The following MIA2 variants were observed in gnomAD, a reference collection of about 807,000 sequenced individuals.
MIA2 encodes the protein MIA SH3 domain ER export factor 2.
MIA2 carries 127 observed loss-of-function variants against 167.8 expected under a neutral mutation model. The observed-to-expected ratio is 0.76, with a 90% CI of 0.66 to 0.88. The LOEUF (loss-of-function observed/expected upper bound fraction) is 0.88, where lower values mean the gene tolerates loss of function less well. Among genes scored for constraint, MIA2 ranks in the 40% least tolerant of loss-of-function variants. The pLI, the probability that MIA2 is intolerant of heterozygous loss-of-function variation, is 0.00. For missense variants in MIA2, 1,690 were observed against 1,624.7 expected, an observed-to-expected ratio of 1.04 and a Z score of -0.69; for synonymous variants, 552 against 541.9, an observed-to-expected ratio of 1.02 and a Z score of -0.26.
At position 39,387,120 on chromosome 14, in the gene MIA2, G is replaced by A. The variant is rs1218841670; in HGVS notation, c.*168G>A. 8 of 563,594 alleles carry A rather than the reference G, an allele frequency of 1.4e-5. 1 individual carries two copies. The highest frequency in any genetic ancestry group is 1.1e-4 in the South Asian group (4 of 35,844). The allele number at this position is 563,594 out of a possible 1,614,324, so 34.9% of individuals were successfully genotyped here. A position where few individuals can be genotyped will look rare whatever the true frequency, so the allele number is the denominator to read the frequency against. On this transcript the variant is annotated 3_prime_UTR_variant, in exon 24 of 24. Transcript: ENST00000341502. ...GCTGCCATCTTGCTTGGTGCTCAAC[G>A]GAAGCCGACTTTCAAGCCTTATTGT...
At chr14:39,320,691 C>A (rs1181345894) in intron 23 of MIA2, among the ~76,000 whole-genome samples, 1 of 152,056 alleles carries the variant, frequency 6.6e-6, no homozygotes, top group Non-Finnish European at 1.5e-5. Flanking sequence ...TTTTTATTCC[C>A]AGTTCGTTGA....
chr14:39,334,031 T>C (rs2069628880), intron 25 of MIA2, among the ~76,000 whole-genome samples: 2 of 152,324 alleles, frequency 1.3e-5, no homozygotes, highest in Admixed American at 6.5e-5. Context: ...CCAAAATTTA[T>C]GATGAGTGAG....
intron 25 of MIA2, among the ~76,000 whole-genome samples, chr14:39,341,203 G>A (rs2071747559): frequency 6.6e-6 from 1 of 152,112 alleles, no homozygotes. Context: ...TCGGGAGGCT[G>A]AGGCAGGAGA....
At chr14:39,240,497 G>T (rs2053989980) in intron 2 of MIA2, 64 bp from the exon 3 acceptor site, 4 of 1,273,516 alleles carry the variant, frequency 3.1e-6, no homozygotes, top group Non-Finnish European at 4.5e-6. Context: ...GACAAAATTA[G>T]GTTCAATAAT....
chr14:39,237,232 A>G (rs765655904), intron 2 of MIA2, 177 bp downstream of exon 2: 1 of 705,210 alleles, frequency 1.4e-6, no homozygotes, highest in South Asian at 1.5e-5. Flanking sequence ...AGCTCAAGCC[A>G]TCCTCCCACC....
chr14:39,252,813 T>C lies in MIA2; in HGVS notation c.1633T>C (p.Ser545Pro). ...HEEVYFEPSS[S>P]KDSDENSKPS... Reference sequence around the variant, plus strand: ...AGAAGTATATTTTGAACCCTCATCTTCTAAAGATAGTGATGAAAATTCGAA... The same window carrying C: ...AGAAGTATATTTTGAACCCTCATCTCCTAAAGATAGTGATGAAAATTCGAA... The change falls in exon 5 of 29, where the codon TCT (serine) becomes CCT (proline). Residue 545 changes from serine to proline, a missense_variant. Physicochemically the swap from Ser to Pro is moderately conservative, Grantham distance 74 (BLOSUM62 -1). Coordinates refer to ENST00000640607, the MANE Select transcript of MIA2 (RefSeq NM_001329214.4). 6.2e-7 allele frequency: 1 copy of C among 1,613,990 alleles called. No homozygotes were observed. Among genetic ancestry groups the C allele is most frequent in the East Asian group, 2.2e-5 (1 of 44,858 alleles).
chr14:39,297,666 C>CATGTGTGTGTGTGT (rs1555375077), intron 13 of MIA2, among the ~76,000 whole-genome samples: 2 of 140,074 alleles, frequency 1.4e-5, no homozygotes, highest in East Asian at 2.1e-4. Context: ...TAGGGTTTTG[C>CATGTGTGTGTGTGT]GTGTGTGTGT....
intron 25 of MIA2, among the ~76,000 whole-genome samples, chr14:39,339,188 G>T (rs943443894): frequency 6.6e-6 from 1 of 152,226 alleles, no homozygotes; most frequent in African/African-American, 2.4e-5. Context: ...AGGAGGTGGA[G>T]CTTAGGTGGT....
chr14:39,268,447 G>C (rs1170678679), intron 6 of MIA2, among the ~76,000 whole-genome samples: 1 of 135,168 alleles, frequency 7.4e-6, no homozygotes, highest in African/African-American at 3.0e-5. Context: ...TGTTAAGAGA[G>C]AGAAGACAAA....
intron 23 of MIA2, among the ~76,000 whole-genome samples, chr14:39,320,115 C>A (rs2066161326): frequency 7.2e-6 from 1 of 139,132 alleles, no homozygotes; most frequent in Non-Finnish European, 1.5e-5. Flanking sequence ...TTTTTTTTGT[C>A]TGAATCCAAC....
chr14:39,377,132 A>G (rs2075060247), intron 23 of MIA2, among the ~76,000 whole-genome samples: 1 of 152,094 alleles, frequency 6.6e-6, no homozygotes, highest in African/African-American at 2.4e-5. Context: ...TTTTGTGGCT[A>G]GGACAGTTTA....
chr14:39,266,002 T>C, intron 6 of MIA2: 3 of 985,490 alleles, frequency 3.0e-6, no homozygotes, highest in South Asian at 4.7e-5. Context: ...TCTGAAAAGC[T>C]AGGCCGCATT....
intron 23 of MIA2, among the ~76,000 whole-genome samples, chr14:39,319,886 A>G (rs1037189863): frequency 6.6e-6 from 1 of 152,058 alleles, no homozygotes; most frequent in Non-Finnish European, 1.5e-5. Flanking sequence ...AAATTTTTTC[A>G]TAATAATTTT....
intron 25 of MIA2, among the ~76,000 whole-genome samples, chr14:39,330,029 G>C (rs2068450874): frequency 6.6e-6 from 1 of 152,166 alleles, no homozygotes; most frequent in Admixed American, 6.5e-5. Flanking sequence ...GATTGGAATA[G>C]TTTCAGAAGG....
chr14:39,260,480 T>C (rs2055045397), intron 6 of MIA2, among the ~76,000 whole-genome samples: 1 of 152,242 alleles, frequency 6.6e-6, no homozygotes, highest in Admixed American at 6.5e-5. Context: ...TTTTTTCATG[T>C]GGCTGTTGGC....
At chr14:39,333,511 A>G (rs1459276358) in intron 25 of MIA2, among the ~76,000 whole-genome samples, 1 of 152,164 alleles carries the variant, frequency 6.6e-6, no homozygotes. Context: ...GGATATCCCA[A>G]TCCCATTGCC....
chr14:39,377,658 A>C (rs1310293397), intron 23 of MIA2, among the ~76,000 whole-genome samples: 5 of 152,194 alleles, frequency 3.3e-5, no homozygotes, highest in African/African-American at 1.2e-4. Context: ...AAATCATAGA[A>C]GGACCAACTT....
chr14:39,238,032 G>A (rs951846446), intron 2 of MIA2, among the ~76,000 whole-genome samples: 4 of 152,010 alleles, frequency 2.6e-5, no homozygotes, highest in Admixed American at 2.0e-4. Flanking sequence ...GAGCCACTGC[G>A]CCCTGCCAAT....
intron 13 of MIA2, among the ~76,000 whole-genome samples, chr14:39,295,659 A>G (rs1248518134): frequency 2.0e-5 from 3 of 152,046 alleles, no homozygotes; most frequent in Non-Finnish European, 2.9e-5. Flanking sequence ...TCCCAGGTTC[A>G]AGCAATTTTT....
Sources: gnomAD v4.1 joint callset for allele counts (sites outside exome capture counted in the v4.1 genomes callset) on GRCh38, gnomAD v4.1.1 for gene constraint, MANE v1.5 for transcripts, NCBI Gene and HGNC (gene_info 2026-07-23, HGNC 2026-07-21) for gene names.